The following FANCI variants were observed in gnomAD, a reference collection of about 807,000 sequenced individuals.
FANCI encodes FA complementation group I, also known as Fanconi anemia group I protein.
In FANCI, 156 loss-of-function variants were observed where a neutral mutation model predicts 176.1. The ratio of observed to expected loss-of-function variants is 0.89; its 90% CI spans 0.78 to 1.01. FANCI has a LOEUF of 1.01. FANCI is among the 50% of genes least tolerant of loss of function. The pLI, the probability that FANCI is intolerant of heterozygous loss-of-function variation, is 0.00. For missense variants in FANCI, 1,678 were observed against 1,534.1 expected, an observed-to-expected ratio of 1.09 and a Z score of -1.57; for synonymous variants, 613 against 541.7, an observed-to-expected ratio of 1.13 and a Z score of -1.83.
intron 23 of FANCI, 88 bp downstream of exon 23, chr15:89,294,085 GT>G: frequency 3.5e-6 from 5 of 1,426,698 alleles, no homozygotes; most frequent in Non-Finnish European, 4.9e-6. Flanking sequence ...CGTTTGGATT[GT>G]TTACAGTAAG....
chr15:89,309,821 G>A (rs1444606730), intron 34 of FANCI, among the ~76,000 whole-genome samples: 1 of 152,164 alleles, frequency 6.6e-6, no homozygotes, highest in Non-Finnish European at 1.5e-5. Context: ...GTTACTATTT[G>A]GCAGAATAAT....
intron 18 of FANCI, among the ~76,000 whole-genome samples, chr15:89,288,539 T>A (rs28516676): frequency 0.036 from 5,502 of 152,180 alleles, 349 homozygotes; most frequent in African/African-American, 0.12. Flanking sequence ...GCTTTTTTTT[T>A]AATATGATCC....
chr15:89,279,886 C>G (rs1311284091), intron 14 of FANCI, among the ~76,000 whole-genome samples: 2 of 152,206 alleles, frequency 1.3e-5, no homozygotes, highest in African/African-American at 4.8e-5. Context: ...ACTGCCACAG[C>G]TTTCTAACTG....
intron 10 of FANCI, among the ~76,000 whole-genome samples, chr15:89,272,303 T>G (rs1199245505): frequency 1.3e-5 from 2 of 152,232 alleles, no homozygotes; most frequent in African/African-American, 4.8e-5. Context: ...GTTGTTTGTC[T>G]TCTTAATTAA....
chr15:89,311,583 G>T lies in FANCI; in HGVS notation c.3652-1321G>T, dbSNP rs117927730. ...CCCACTTGGTCAGTGAGGTCGATCCGTGACTGCTTCCTTGCCCTCTTCTGC... is the reference window on the plus strand; with the variant it reads ...CCCACTTGGTCAGTGAGGTCGATCCTTGACTGCTTCCTTGCCCTCTTCTGC... On this transcript the variant is annotated intron_variant, in intron 34 of 37. Coordinates refer to ENST00000310775, the MANE Select transcript of FANCI (RefSeq NM_001113378.2). Among the ~76,000 whole-genome samples, 229 of 152,252 alleles carry T rather than the reference G, an allele frequency of 1.5e-3. 6 individuals carry two copies. The East Asian group carries it at 0.037, about 25-fold the overall frequency.
rs552898312 is a variant in FANCI, at chr15:89,290,338, T to A, written c.1890+57T>A. On this transcript the variant is annotated intron_variant, in intron 19 of 37. Transcript: ENST00000310775. ...CAGACCATCAAGGATCGAGAGACAG[T>A]TGATGGTTTTCAGACCTTTCAAAAT... is the stretch of plus-strand genomic sequence containing the variant. The A allele has an allele frequency of 7.5e-5, 101 of 1,351,704 alleles. 1 individual carries two copies. The South Asian group carries it at 1.0e-3, about 14-fold the overall frequency. The allele number at this position is 1,351,704 out of a possible 1,614,324, so 83.7% of individuals were successfully genotyped here. A position where few individuals can be genotyped will look rare whatever the true frequency, so the allele number is the denominator to read the frequency against.
intron 24 of FANCI, among the ~76,000 whole-genome samples, chr15:89,296,512 T>TA (rs916512381): frequency 6.6e-6 from 1 of 152,086 alleles, no homozygotes; most frequent in Non-Finnish European, 1.5e-5. Flanking sequence ...GGGTTGCGGG[T>TA]AAGGTCACAG....
At chr15:89,281,121 A>C (rs773031037) in intron 14 of FANCI, 49 bp from the exon 15 acceptor site, 1 of 1,594,270 alleles carries the variant, frequency 6.3e-7, no homozygotes, top group Non-Finnish European at 8.6e-7. Flanking sequence ...CTTTTATTTC[A>C]GTTATCTTTA....
rs2054672345 is a variant in FANCI, at chr15:89,305,257, C to T, written c.3186+15C>T. 6.2e-7 allele frequency: 1 copy of T among 1,614,068 alleles called. No homozygotes were observed. Among genetic ancestry groups the T allele is most frequent in the African/African-American group, 1.3e-5 (1 of 74,918 alleles). On this transcript the variant is annotated intron_variant, in intron 29 of 37. Coordinates refer to ENST00000310775, the MANE Select transcript of FANCI (RefSeq NM_001113378.2). ...ATATAGACCAGGTACTATAATGAGC[C>T]TTCAGTACAATACCCTGTGTGGGGA...
chr15:89,282,376 A>G (rs2053647698), intron 16 of FANCI: 1 of 164,562 alleles, frequency 6.1e-6, no homozygotes, highest in Non-Finnish European at 1.3e-5. Flanking sequence ...AATGAGTTTT[A>G]TTTGTAGCTT....
chr15:89,304,073 G>A (rs2054622824), intron 28 of FANCI, among the ~76,000 whole-genome samples, 158 bp downstream of exon 28: 2 of 152,250 alleles, frequency 1.3e-5, no homozygotes, highest in Admixed American at 6.5e-5. Flanking sequence ...TGGCAAGAAT[G>A]TAGAGTAGTT....
intron 3 of FANCI, chr15:89,259,189 G>A (rs555285570): frequency 2.8e-5 from 5 of 179,414 alleles, no homozygotes; most frequent in African/African-American, 4.7e-5. Context: ...CCGCTGAGAC[G>A]TATTTGTTTT....
rs1253903550 is a variant in FANCI at position 89,255,970 on chromosome 15, A to G, written c.85-2734A>G. Among the ~76,000 whole-genome samples the G allele has an allele frequency of 3.3e-5, 5 of 152,204 alleles. No individual in the cohort carries two copies. In the South Asian group the frequency reaches 1.0e-3, roughly 32 times the overall value. ...TTATCTCAGTCCTTTGAGGTGGGGA[A>G]ATGGACACACATAACAGATTAAGTT... On this transcript the variant is annotated intron_variant, in intron 2 of 37. Transcript: ENST00000310775.
At chr15:89,263,488 G>A in intron 7 of FANCI, 28 bp downstream of exon 7, 2 of 1,586,778 alleles carry the variant, frequency 1.3e-6, no homozygotes, top group South Asian at 1.1e-5. Flanking sequence ...CCTTTTCTTT[G>A]TGTATCCTGC....
chr15:89,292,029 C>T (rs746919990), intron 20 of FANCI, among the ~76,000 whole-genome samples: 20 of 152,280 alleles, frequency 1.3e-4, no homozygotes, highest in South Asian at 2.1e-4. Context: ...ATGTCACCTA[C>T]GAACAGATGA....
At chr15:89,250,369 A>C (rs1354016111) in intron 2 of FANCI, among the ~76,000 whole-genome samples, 2 of 152,194 alleles carry the variant, frequency 1.3e-5, no homozygotes, top group Non-Finnish European at 2.9e-5. Flanking sequence ...CAGCCATAAA[A>C]AATGATGAGT....
Position 89,260,675 on chromosome 15 carries a change from T to G in FANCI, c.158-38T>G, listed in dbSNP as rs780846532. On this transcript the variant is annotated intron_variant, in intron 3 of 37. Coordinates refer to ENST00000310775, the MANE Select transcript of FANCI (RefSeq NM_001113378.2). The stretch of plus-strand genomic sequence containing the variant: ...TTTTCCTATTTACCTGTCAATGTTG[T>G]AAGACTTGTTTCTGAACCCCCTGTT... 3 of 1,611,304 alleles carry G rather than the reference T, an allele frequency of 1.9e-6. No homozygotes were observed. In the South Asian group the frequency reaches 3.3e-5, roughly 18 times the overall value.
chr15:89,285,280 T>C, intron 18 of FANCI, 62 bp downstream of exon 18: 1 of 1,588,428 alleles, frequency 6.3e-7, no homozygotes, highest in South Asian at 1.1e-5. Context: ...ATTTTAGTAA[T>C]TTTTTTCCTG....
Position 89,283,091 on chromosome 15 carries a change from C to A in FANCI, c.1584-45C>A, listed in dbSNP as rs1263624061. 3 of 1,597,614 alleles carry A rather than the reference C, an allele frequency of 1.9e-6. No individual in the cohort carries two copies. The South Asian group carries it at 3.3e-5, about 18-fold the overall frequency. On this transcript the variant is annotated intron_variant, in intron 16 of 37. Coordinates refer to ENST00000310775, the MANE Select transcript of FANCI (RefSeq NM_001113378.2). ...GATTTTTCTGACCCAGAAGCATATT[C>A]CTGTGAAATAGTACTGTTTGTTAAC...
Sources: gnomAD v4.1 joint callset for allele counts (sites outside exome capture counted in the v4.1 genomes callset) on GRCh38, gnomAD v4.1.1 for gene constraint, MANE v1.5 for transcripts, NCBI Gene and HGNC (gene_info 2026-07-23, HGNC 2026-07-21) for gene names.